Variants in YWHAH observed in about 807,000 individuals in gnomAD.
YWHAH encodes the protein tyrosine 3-monooxygenase/tryptophan 5-monooxygenase activation protein eta, also known as 14-3-3 protein eta.
Under a neutral mutation model 22.9 loss-of-function variants are expected in YWHAH, and 6 were observed. The ratio of observed to expected loss-of-function variants is 0.26; its 90% confidence interval spans 0.14 to 0.52. YWHAH has a LOEUF of 0.52. YWHAH is among the 20% of genes least tolerant of loss of function. YWHAH has a pLI of 0.97. For synonymous variants in YWHAH, 135 were observed against 124.5 expected, an observed-to-expected ratio of 1.08 and a Z score of -0.56; for missense variants, 173 against 308.6, an observed-to-expected ratio of 0.56 and a Z score of 3.29.
At chr22:31,954,537 G>A (rs2093847159) in intron 1 of YWHAH, among the ~76,000 whole-genome samples, 1 of 152,174 alleles carries the variant, frequency 6.6e-6, no homozygotes, top group Non-Finnish European at 1.5e-5. Context: ...AAACTGGATA[G>A]TTTAAAATAA....
chr22:31,945,405 GGGAGAGTGGGC>G lies in YWHAH; in HGVS notation c.87+590_87+600del, dbSNP rs552880037. On this transcript the variant is annotated intron_variant, in intron 1 of 1. Coordinates refer to ENST00000248975, the MANE Select transcript of YWHAH (RefSeq NM_003405.4). ...CTGCAGTCTAGGCGTGGACGGGGGCGGGAGAGTGGGCGGAGGGTGTGGGGCCCCACTCCACA... is the reference window on the plus strand; with the variant it reads ...CTGCAGTCTAGGCGTGGACGGGGGCGGGAGGGTGTGGGGCCCCACTCCACA... 798 of 1,300,656 alleles carry G rather than the reference GGGAGAGTGGGC, an allele frequency of 6.1e-4. 4 individuals are homozygous for G. The African/African-American group carries it at 9.0e-3, about 15-fold the overall frequency. 80.6% of individuals were successfully genotyped at this position (1,300,656 alleles called of 1,614,324 possible).
Position 31,945,482 on chromosome 22 carries a change from A to G in YWHAH, c.87+662A>G, listed in dbSNP as rs184556789. The G allele has an allele frequency of 9.7e-5, 126 of 1,304,084 alleles. 1 individual carries two copies. The East Asian group carries it at 5.2e-3, about 54-fold the overall frequency. The allele number at this position is 1,304,084 out of a possible 1,614,324, so 80.8% of individuals were successfully genotyped here. A position where few individuals can be genotyped will look rare whatever the true frequency, so the allele number is the denominator to read the frequency against. ...CTGCGCTGTCTGCTTGGAGATTAAA[A>G]TGAAACGTGACTTCTAGGTGAGACG... On this transcript the variant is annotated intron_variant, in intron 1 of 1. Coordinates refer to ENST00000248975, the MANE Select transcript of YWHAH (RefSeq NM_003405.4).
chr22:31,950,666 T>G (rs903599599), intron 1 of YWHAH, among the ~76,000 whole-genome samples: 6 of 152,208 alleles, frequency 3.9e-5, no homozygotes, highest in African/African-American at 1.4e-4. Context: ...TTACCCGAAC[T>G]TGCCTGCTCT....
rs557406783 is a variant in YWHAH, at chr22:31,950,076, C to CTTTTTTTT, written c.87+5287_87+5294dup. 2.8e-4 allele frequency among the ~76,000 whole-genome samples: 12 copies of CTTTTTTTT among 42,192 alleles called. 1 individual carries two copies. The highest frequency in any genetic ancestry group is 4.9e-4 in the Non-Finnish European group (10 of 20,410). 27.7% of individuals were successfully genotyped at this position (42,192 alleles called of 152,430 possible). A position where few individuals can be genotyped will look rare whatever the true frequency, so the allele number is the denominator to read the frequency against. ...TTGCTTGTTCTGAAGGCTTGGAGGC[C>CTTTTTTTT]TTTTTTTTTTTTTTTTTTTTTTTTT... On this transcript the variant is annotated intron_variant, in intron 1 of 1. Coordinates refer to ENST00000248975, the MANE Select transcript of YWHAH (RefSeq NM_003405.4).
chr22:31,947,464 C>T (rs572003607), intron 1 of YWHAH: 41 of 471,574 alleles, frequency 8.7e-5, no homozygotes, highest in Admixed American at 2.1e-4. Flanking sequence ...ATTCTACCAG[C>T]GTCACCTGGA....
rs1301230634 is a variant in YWHAH, at chr22:31,956,705, C to T, written c.654C>T (p.Asp218=). The change falls in exon 2 of 2, where the codon GAC becomes GAT. Residue 218 remains aspartate, a synonymous_variant. Transcript: ENST00000248975. This position sits in a 1 kb window ranked among gnomAD's most constrained non-coding sequence, Gnocchi z 5.1. ...LDTLNEDSYK[D]STLIMQLLRD... ...CACTAAACGAGGATTCCTATAAGGA[C>T]TCCACGCTGATCATGCAGTTGCTGC... is the stretch of plus-strand genomic sequence containing the variant. 3.1e-6 allele frequency: 5 copies of T among 1,613,924 alleles called. No individual in the cohort carries two copies. Among genetic ancestry groups the T allele is most frequent in the Non-Finnish European group, 4.2e-6 (5 of 1,179,970 alleles).
Position 31,956,868 on chromosome 22 carries a change from A to G in YWHAH, c.*76A>G, listed in dbSNP as rs1245676060. On this transcript the variant is annotated 3_prime_UTR_variant, in exon 2 of 2. Coordinates refer to ENST00000248975, the MANE Select transcript of YWHAH (RefSeq NM_003405.4). The surrounding 1 kb of genome is among the most constrained non-coding windows in gnomAD (Gnocchi z 5.1). ...CCGATTCTTCCTTGCCACAATCACT[A>G]AATATCTAGTGCTAAACCTATCTGT... 2 of 1,469,350 alleles carry G rather than the reference A, an allele frequency of 1.4e-6. No individual in the cohort carries two copies. Among genetic ancestry groups the G allele is most frequent in the African/African-American group, 2.8e-5 (2 of 71,054 alleles). 91.0% of individuals were successfully genotyped at this position (1,469,350 alleles called of 1,614,324 possible). A position where few individuals can be genotyped will look rare whatever the true frequency, so the allele number is the denominator to read the frequency against.
intron 1 of YWHAH, chr22:31,947,631 A>C (rs1603050235): frequency 6.7e-6 from 2 of 299,490 alleles, no homozygotes; most frequent in Non-Finnish European, 1.4e-5. Flanking sequence ...TTCAAGCTCT[A>C]TCTCATACCT....
At chr22:31,944,914 G>A (rs1408261924) in intron 1 of YWHAH, 94 bp downstream of exon 1, 29 of 1,151,950 alleles carry the variant, frequency 2.5e-5, no homozygotes, top group Non-Finnish European at 3.1e-5. Context: ...TCCCGGCCAT[G>A]GGCGACCCGG....
intron 1 of YWHAH, among the ~76,000 whole-genome samples, chr22:31,949,136 CT>C (rs760273556): frequency 0.14 from 13,907 of 98,884 alleles, 460 homozygotes; most frequent in Non-Finnish European, 0.18. Flanking sequence ...ACATATTTTA[CT>C]TTTTTTTTTT....
In YWHAH at chr22:31,956,029, C is replaced by G. The variant is rs1304031170; in HGVS notation, c.88-110C>G. The G allele has an allele frequency of 7.8e-7, 1 of 1,287,294 alleles. No homozygotes were observed. The highest frequency in any genetic ancestry group is 1.5e-5 in the African/African-American group (1 of 67,128). The allele number at this position is 1,287,294 out of a possible 1,614,324, so 79.7% of individuals were successfully genotyped here. On this transcript the variant is annotated intron_variant, in intron 1 of 1. Coordinates refer to ENST00000248975, the MANE Select transcript of YWHAH (RefSeq NM_003405.4). This position sits in a 1 kb window ranked among gnomAD's most constrained non-coding sequence, Gnocchi z 5.1. Reference sequence around the variant, plus strand: ...GTTTTTATTCTCCAGAGTGACTGACCTGTTCGTAATTCCGTTCTTGAGAAG... The same window carrying G: ...GTTTTTATTCTCCAGAGTGACTGACGTGTTCGTAATTCCGTTCTTGAGAAG...
chr22:31,949,258 G>C (rs896171421), intron 1 of YWHAH, among the ~76,000 whole-genome samples: 36 of 147,270 alleles, frequency 2.4e-4, no homozygotes, highest in African/African-American at 9.2e-4. Flanking sequence ...TCCTGCCTCA[G>C]CCTCCCAAGT....
chr22:31,949,123 A>G (rs367709040), intron 1 of YWHAH, among the ~76,000 whole-genome samples: 9 of 148,488 alleles, frequency 6.1e-5, no homozygotes, highest in East Asian at 3.9e-4. Context: ...GCAAGTTTAT[A>G]TAACATATTT....
At chr22:31,947,302 T>C (rs1029722427) in intron 1 of YWHAH, 13 of 406,532 alleles carry the variant, frequency 3.2e-5, no homozygotes, top group African/African-American at 2.7e-4. Context: ...AACTTACATC[T>C]TGGCTTTAGG....
intron 1 of YWHAH, chr22:31,945,094 T>G: frequency 9.1e-7 from 1 of 1,102,094 alleles, no homozygotes; most frequent in Non-Finnish European, 1.1e-6. Flanking sequence ...GGTCGCCACA[T>G]CTTAGTTCGG....
At chr22:31,949,001 G>T (rs762027517) in intron 1 of YWHAH, among the ~76,000 whole-genome samples, 15 of 152,026 alleles carry the variant, frequency 9.9e-5, no homozygotes, top group Non-Finnish European at 1.9e-4. Flanking sequence ...TTCTTTAGTT[G>T]GTCTTTGTCT....
At position 31,956,065 on chromosome 22, in the gene YWHAH, T is replaced by A. The variant is rs1023166836; in HGVS notation, c.88-74T>A. The A allele has an allele frequency of 1.3e-6, 2 of 1,497,790 alleles. No individual in the cohort carries two copies. The highest frequency in any genetic ancestry group is 1.4e-5 in the African/African-American group (1 of 71,220). The allele number at this position is 1,497,790 out of a possible 1,614,324, so 92.8% of individuals were successfully genotyped here. A position where few individuals can be genotyped will look rare whatever the true frequency, so the allele number is the denominator to read the frequency against. ...TCCGTTCTTGAGAAGGATTGTTGATTATGTTGAAGGGAAGGCTTCTTACCA... is the reference window on the plus strand; with the variant it reads ...TCCGTTCTTGAGAAGGATTGTTGATAATGTTGAAGGGAAGGCTTCTTACCA... On this transcript the variant is annotated intron_variant, in intron 1 of 1. Transcript: ENST00000248975. The surrounding 1 kb of genome is among the most constrained non-coding windows in gnomAD (Gnocchi z 5.1).
intron 1 of YWHAH, among the ~76,000 whole-genome samples, chr22:31,949,956 ATTTTT>A (rs34879732): frequency 6.7e-6 from 1 of 149,038 alleles, no homozygotes; most frequent in Non-Finnish European, 1.5e-5. Context: ...GGTGCAAGTC[ATTTTT>A]TTTTTCCAAA....
At chr22:31,945,511 CTG>C (rs1289370779) in intron 1 of YWHAH, 22 of 1,304,052 alleles carry the variant, frequency 1.7e-5, no homozygotes, top group Non-Finnish European at 2.2e-5. Flanking sequence ...TGAGACGAAT[CTG>C]TGTGTCTTTG....
Sources: gnomAD v4.1 joint callset for allele counts (sites outside exome capture counted in the v4.1 genomes callset) on GRCh38, gnomAD v4.1.1 for gene constraint, Gnocchi (gnomAD v3.1) non-coding constraint, MANE v1.5 for transcripts, NCBI Gene and HGNC (gene_info 2026-07-23, HGNC 2026-07-21) for gene names.